Variants in ANO4 observed in about 807,000 individuals in gnomAD.
ANO4 encodes anoctamin 4, also known as anoctamin-4.
A neutral mutation model predicts 141.9 loss-of-function variants in ANO4; 69 were observed. That is an observed-to-expected ratio of 0.49 (90% CI 0.40 to 0.59). The LOEUF (loss-of-function observed/expected upper bound fraction) is 0.59. ANO4 is among the 20% of genes least tolerant of loss of function. The pLI is 0.00. For missense variants in ANO4, 894 were observed against 1,162.2 expected (o/e 0.77, Z 3.36); for synonymous variants, 350 against 394.3 (o/e 0.89, Z 1.33).
intron 3 of ANO4, among the ~76,000 whole-genome samples, chr12:100,745,485 C>T (rs1042058315): frequency 1.6e-4 from 25 of 152,144 alleles, no homozygotes; most frequent in African/African-American, 2.9e-4. Flanking sequence ...TGTACTTGTT[C>T]GCTCAGTGCA....
chr12:100,953,422 C>T (rs1172813965), intron 5 of ANO4, among the ~76,000 whole-genome samples: 2 of 152,232 alleles, frequency 1.3e-5, no homozygotes, highest in African/African-American at 2.4e-5. Flanking sequence ...CTTGACATAC[C>T]TTAGTTGCAA....
intron 8 of ANO4, among the ~76,000 whole-genome samples, chr12:100,989,822 G>A (rs2044992761): frequency 6.8e-6 from 1 of 147,824 alleles, no homozygotes; most frequent in Non-Finnish European, 1.5e-5. Context: ...TAGTGTATAT[G>A]GATAGGTCAC....
At chr12:100,811,745 T>A (rs926956395) in intron 1 of ANO4, among the ~76,000 whole-genome samples, 3 of 152,150 alleles carry the variant, frequency 2.0e-5, no homozygotes, top group Admixed American at 2.0e-4. Flanking sequence ...CAGTCCTCAT[T>A]GTAATTAGGT....
intron 8 of ANO4, among the ~76,000 whole-genome samples, chr12:101,003,648 C>CT (rs953331432): frequency 3.3e-5 from 5 of 151,942 alleles, no homozygotes; most frequent in African/African-American, 7.3e-5. Context: ...ATGTCTCATA[C>CT]TTTTTTTTAT....
chr12:100,791,535 A>G (rs2135615362), upstream of ANO4, among the ~76,000 whole-genome samples: 1 of 152,384 alleles, frequency 6.6e-6, no homozygotes, highest in African/African-American at 2.4e-5. Flanking sequence ...GTTGCATAAA[A>G]GATTTACATT....
rs1229232124 is a variant in ANO4 at position 100,883,208 on chromosome 12, G to GT, written c.-140-18435dup. Among the ~76,000 whole-genome samples, 3 of 152,224 alleles carry GT rather than the reference G, an allele frequency of 2.0e-5. No homozygotes were observed. The East Asian group carries it at 5.8e-4, about 29-fold the overall frequency. On this transcript the variant is annotated intron_variant, in intron 1 of 27. Transcript: ENST00000392977. ...CAGTCCGTAAAACATTTGAGAGAGA[G>GT]TTTACTTCAGTAGCTCCAATTATCT... is the stretch of plus-strand genomic sequence containing the variant.
At chr12:101,027,165 A>T (rs1325619090) in intron 9 of ANO4, among the ~76,000 whole-genome samples, 1 of 152,216 alleles carries the variant, frequency 6.6e-6, no homozygotes, top group Non-Finnish European at 1.5e-5. Flanking sequence ...CAAGGGAGGC[A>T]GTGAGTGAGT....
At chr12:100,823,264 A>C (rs1305501283) in intron 1 of ANO4, among the ~76,000 whole-genome samples, 2 of 152,020 alleles carry the variant, frequency 1.3e-5, no homozygotes, top group African/African-American at 4.8e-5. Context: ...TTACTTATAT[A>C]TGTGGCAAAT....
intron 16 of ANO4, among the ~76,000 whole-genome samples, chr12:101,084,937 T>G (rs1226879201): frequency 6.6e-6 from 1 of 152,164 alleles, no homozygotes; most frequent in Non-Finnish European, 1.5e-5. Flanking sequence ...CAGCCAGCTG[T>G]CCATCCTACC....
chr12:101,076,252 A>G (rs1363099605), intron 14 of ANO4, among the ~76,000 whole-genome samples: 1 of 152,102 alleles, frequency 6.6e-6, no homozygotes, highest in Non-Finnish European at 1.5e-5. Flanking sequence ...GGATTATTGT[A>G]CTTATAAAAG....
chr12:100,979,853 G>A (rs1373948505), intron 7 of ANO4, among the ~76,000 whole-genome samples: 1 of 150,856 alleles, frequency 6.6e-6, no homozygotes, highest in African/African-American at 2.4e-5. Context: ...TCAGCCTCCC[G>A]AGTAGCTGGG....
chr12:100,970,132 C>A (rs1347734661), intron 5 of ANO4, among the ~76,000 whole-genome samples: 1 of 152,214 alleles, frequency 6.6e-6, no homozygotes, highest in East Asian at 1.9e-4. Context: ...GTCACCCACC[C>A]AGATTGCAAT....
chr12:100,960,445 G>A (rs57511047), intron 5 of ANO4, among the ~76,000 whole-genome samples: 24,911 of 151,742 alleles, frequency 0.16, 2,306 homozygotes, highest in East Asian at 0.42. Flanking sequence ...CTATACCGCT[G>A]TGTGCCCTGT....
intron 1 of ANO4, among the ~76,000 whole-genome samples, chr12:100,861,432 GTATCTAAACA>G (rs1339713252): frequency 2.0e-5 from 3 of 152,242 alleles, no homozygotes; most frequent in East Asian, 1.9e-4. Flanking sequence ...AAGTATTTGT[GTATCTAAACA>G]TATCTAAACA....
chr12:100,749,775 T>G (rs1340612510), intron 3 of ANO4, among the ~76,000 whole-genome samples: 6 of 152,222 alleles, frequency 3.9e-5, no homozygotes, highest in Admixed American at 3.9e-4. Flanking sequence ...GATGCTCCAA[T>G]AAAGTCATCC....
At chr12:100,728,072 A>G (rs896809745) in intron 1 of ANO4, among the ~76,000 whole-genome samples, 7 of 143,354 alleles carry the variant, frequency 4.9e-5, no homozygotes, top group Non-Finnish European at 1.1e-4. Flanking sequence ...AAACCCTCCT[A>G]TATTAGACAT....
At chr12:101,050,142 C>A (rs2047800219) in intron 14 of ANO4, among the ~76,000 whole-genome samples, 1 of 151,990 alleles carries the variant, frequency 6.6e-6, no homozygotes, top group African/African-American at 2.4e-5. Context: ...AAGCAAAGAA[C>A]TAGTGGAAAA....
At chr12:100,955,196 T>C (rs1254999566) in intron 5 of ANO4, among the ~76,000 whole-genome samples, 1 of 152,256 alleles carries the variant, frequency 6.6e-6, no homozygotes, top group Non-Finnish European at 1.5e-5. Flanking sequence ...TATGTTAAAA[T>C]AATAGTCATT....
chr12:100,895,094 A>G (rs969882605), intron 1 of ANO4, among the ~76,000 whole-genome samples: 1 of 151,412 alleles, frequency 6.6e-6, no homozygotes, highest in Admixed American at 6.6e-5. Context: ...CACTGGATTT[A>G]CCCTCCACTT....
Sources: allele counts gnomAD v4.1 joint callset (sites outside exome capture counted in the v4.1 genomes callset), GRCh38; gene constraint gnomAD v4.1.1; transcripts MANE v1.5; gene names NCBI Gene and HGNC (gene_info 2026-07-23, HGNC 2026-07-21).